Variants in USP15 observed in about 807,000 individuals in gnomAD.
USP15 encodes ubiquitin specific peptidase 15, also known as ubiquitin carboxyl-terminal hydrolase 15.
A neutral mutation model predicts 127.1 loss-of-function variants in USP15; 18 were observed. The ratio of observed to expected loss-of-function variants is 0.14; its 90% CI spans 0.10 to 0.21. The LOEUF is 0.21. USP15 is among the 10% of genes least tolerant of loss of function. The pLI is 1.00. For synonymous variants in USP15, 364 were observed against 393.7 expected (o/e 0.92, Z 0.89); for missense variants, 805 against 1,159.9 (o/e 0.69, Z 4.44).
At chr12:62,269,366 G>GTGTA (rs1229597915) in intron 1 of USP15, among the ~76,000 whole-genome samples, 13 of 151,952 alleles carry the variant, frequency 8.6e-5, no homozygotes, top group Admixed American at 8.5e-4. Flanking sequence ...ATGTGTGTGT[G>GTGTA]TGTATATATA....
intron 7 of USP15, among the ~76,000 whole-genome samples, chr12:62,351,600 G>A (rs1273688777): frequency 2.6e-5 from 4 of 151,964 alleles, no homozygotes; most frequent in East Asian, 1.9e-4. Flanking sequence ...TAGTAAATAC[G>A]TGACAGTATA....
chr12:62,311,798 G>A (rs182138301), intron 3 of USP15, among the ~76,000 whole-genome samples: 3 of 151,776 alleles, frequency 2.0e-5, no homozygotes, highest in African/African-American at 4.8e-5. Context: ...CTTAAGAGAC[G>A]AATTAGTCTA....
At chr12:62,323,791 A>G (rs938583320) in intron 5 of USP15, among the ~76,000 whole-genome samples, 3 of 152,100 alleles carry the variant, frequency 2.0e-5, no homozygotes, top group African/African-American at 7.2e-5. Flanking sequence ...ACATTAGAAA[A>G]CTGAGACTCA....
At position 62,404,234 on chromosome 12, in the gene USP15, T is replaced by C; in HGVS notation, c.2805T>C (p.Thr935=). The C allele has an allele frequency of 6.2e-7, 1 of 1,613,240 alleles. No homozygotes were observed. The highest frequency in any genetic ancestry group is 1.1e-5 in the South Asian group (1 of 91,060). The change falls in exon 22 of 22, where the codon ACT becomes ACC. Residue 935 remains threonine (T), a synonymous_variant. Coordinates refer to ENST00000280377, the MANE Select transcript of USP15 (RefSeq NM_001252078.2). The part of the protein sequence containing the change: ...AYVLFYQRQD[T]FSGTGFFPLD... Reference sequence around the variant, plus strand: ...TACTCTTCTACCAGAGACAAGACACTTTCAGTGGAACTGGCTTTTTTCCTC... The same window carrying C: ...TACTCTTCTACCAGAGACAAGACACCTTCAGTGGAACTGGCTTTTTTCCTC...
At position 62,404,243 on chromosome 12, in the gene USP15, A is replaced by C; in HGVS notation, c.2814A>C (p.Gly938=). 1.2e-6 allele frequency: 2 copies of C among 1,613,344 alleles called. No individual in the cohort carries two copies. Among genetic ancestry groups the C allele is most frequent in the Non-Finnish European group, 1.7e-6 (2 of 1,179,428 alleles). The change falls in exon 22 of 22, where the codon GGA becomes GGC. Residue 938 remains glycine (G), a synonymous_variant. Coordinates refer to ENST00000280377, the MANE Select transcript of USP15 (RefSeq NM_001252078.2). ...ACCAGAGACAAGACACTTTCAGTGG[A>C]ACTGGCTTTTTTCCTCTTGACCGAG... is the stretch of plus-strand genomic sequence containing the variant. ...LFYQRQDTFS[G]TGFFPLDRET...
chr12:62,272,479 T>C (rs1025673692), intron 1 of USP15, among the ~76,000 whole-genome samples: 5 of 152,056 alleles, frequency 3.3e-5, no homozygotes, highest in African/African-American at 1.2e-4. Context: ...ACTGCTTTAC[T>C]ACCTCTCTGG....
At chr12:62,288,728 T>C (rs1441368788) in intron 1 of USP15, among the ~76,000 whole-genome samples, 1 of 152,212 alleles carries the variant, frequency 6.6e-6, no homozygotes. Flanking sequence ...GGTTGTAGTT[T>C]CGTTGTTTGT....
chr12:62,357,404 G>C (rs555159503), intron 8 of USP15, among the ~76,000 whole-genome samples: 118 of 152,112 alleles, frequency 7.8e-4, no homozygotes, highest in African/African-American at 2.7e-3. Context: ...AGGATCTTCA[G>C]TTTATTCATT....
chr12:62,358,433 G>C (rs901012133), intron 8 of USP15, among the ~76,000 whole-genome samples: 1 of 152,148 alleles, frequency 6.6e-6, no homozygotes, highest in Non-Finnish European at 1.5e-5. Flanking sequence ...ACAACAGTTT[G>C]TCCAGGCATG....
At chr12:62,269,802 A>G (rs2063302592) in intron 1 of USP15, among the ~76,000 whole-genome samples, 1 of 152,130 alleles carries the variant, frequency 6.6e-6, no homozygotes, top group Non-Finnish European at 1.5e-5. Flanking sequence ...AACACATTTG[A>G]TATATCCATT....
At chr12:62,296,193 A>T (rs1411871166) in intron 2 of USP15, among the ~76,000 whole-genome samples, 1 of 152,204 alleles carries the variant, frequency 6.6e-6, no homozygotes, top group African/African-American at 2.4e-5. Flanking sequence ...TCTGCCAACA[A>T]CTGAATGGGC....
chr12:62,394,545 G>A (rs2067424177), intron 19 of USP15, among the ~76,000 whole-genome samples: 1 of 152,098 alleles, frequency 6.6e-6, no homozygotes, highest in African/African-American at 2.4e-5. Context: ...ATTTGGCAAT[G>A]TAAGTATAAG....
intron 8 of USP15, among the ~76,000 whole-genome samples, chr12:62,355,825 CTTT>C (rs201572809): frequency 8.0e-6 from 1 of 124,404 alleles, no homozygotes; most frequent in Non-Finnish European, 1.7e-5. Flanking sequence ...CTTTTTTTTT[CTTT>C]TTTTTTTTTT....
In USP15 at chr12:62,336,235, C is replaced by G. The variant is rs937403097; in HGVS notation, c.683+10302C>G. ...ACACAAAATATGCCATTCTGTATTTCTAGACTAGACCACTTTTCTGAATTC... is the reference window on the plus strand; with the variant it reads ...ACACAAAATATGCCATTCTGTATTTGTAGACTAGACCACTTTTCTGAATTC... On this transcript the variant is annotated intron_variant, in intron 6 of 21. Transcript: ENST00000280377. 3.3e-5 allele frequency: 33 copies of G among 985,322 alleles called. No individual in the cohort carries two copies. The African/African-American group carries it at 4.2e-4, about 13-fold the overall frequency. 61.0% of individuals were successfully genotyped at this position (985,322 alleles called of 1,614,324 possible).
At chr12:62,286,279 T>C (rs1177910689) in intron 1 of USP15, among the ~76,000 whole-genome samples, 1 of 151,862 alleles carries the variant, frequency 6.6e-6, no homozygotes, top group Non-Finnish European at 1.5e-5. Flanking sequence ...TATGAAAAAA[T>C]GCACAAAATC....
intron 6 of USP15, chr12:62,336,402 G>C (rs2065466524): frequency 1.0e-6 from 1 of 985,364 alleles, no homozygotes; most frequent in Non-Finnish European, 1.2e-6. Flanking sequence ...GAGCCATCCT[G>C]AGTTCCTCCT....
In USP15 at chr12:62,416,263, C is replaced by G. The variant is rs905839484; in HGVS notation, c.*11888C>G. 2.6e-5 allele frequency: 4 copies of G among 152,174 alleles called. No homozygotes were observed. The highest frequency in any genetic ancestry group is 4.4e-5 in the Non-Finnish European group (3 of 68,042). The allele number at this position is 152,174 out of a possible 1,614,324, so 9.4% of individuals were successfully genotyped here. A position where few individuals can be genotyped will look rare whatever the true frequency, so the allele number is the denominator to read the frequency against. ...AACTGCCACCTTGGGCTATAAGTTA[C>G]GTGTGTCTCTTCCCCCACTAGACAA... On this transcript the variant is annotated 3_prime_UTR_variant, in exon 22 of 22. Coordinates refer to ENST00000280377, the MANE Select transcript of USP15 (RefSeq NM_001252078.2).
chr12:62,333,450 C>T (rs1030948129), intron 6 of USP15, among the ~76,000 whole-genome samples: 2 of 151,714 alleles, frequency 1.3e-5, no homozygotes, highest in African/African-American at 4.8e-5. Flanking sequence ...TTTTTTTGTT[C>T]TTTTGTTTGT....
chr12:62,402,459 G>A (rs1475949905), intron 21 of USP15, among the ~76,000 whole-genome samples: 1 of 151,996 alleles, frequency 6.6e-6, no homozygotes, highest in Non-Finnish European at 1.5e-5. Context: ...GGGGTTTGAG[G>A]GGACAATAAC....
Sources: gnomAD v4.1 joint callset for allele counts (sites outside exome capture counted in the v4.1 genomes callset) on GRCh38, gnomAD v4.1.1 for gene constraint, MANE v1.5 for transcripts, NCBI Gene and HGNC (gene_info 2026-07-23, HGNC 2026-07-21) for gene names.